Variants in ANKS1B observed in about 807,000 individuals in gnomAD.
ANKS1B encodes the protein ankyrin repeat and sterile alpha motif domain-containing protein 1B.
Under a neutral mutation model 148.3 loss-of-function variants are expected in ANKS1B, and 36 were observed. The observed-to-expected ratio is 0.24, with a 90% CI of 0.19 to 0.32. The LOEUF (loss-of-function observed/expected upper bound fraction) is 0.32, where lower values mean the gene tolerates loss of function less well. ANKS1B is among the 10% of genes least tolerant of loss of function. The probability of loss-of-function intolerance (pLI) is 1.00; values close to 1 mark genes in which losing one functional copy is unlikely to be tolerated. For synonymous variants in ANKS1B, 542 were observed against 560.8 expected, an observed-to-expected ratio of 0.97 and a Z score of 0.47; for missense variants, 1,157 against 1,542.6, an observed-to-expected ratio of 0.75 and a Z score of 4.19.
At chr12:99,324,943 G>T (rs1238896121) in intron 12 of ANKS1B, among the ~76,000 whole-genome samples, 1 of 152,062 alleles carries the variant, frequency 6.6e-6, no homozygotes, top group Non-Finnish European at 1.5e-5. Flanking sequence ...TCTTCAGAAA[G>T]TGAAATTACT....
chr12:99,545,743 T>TAC (rs1192705644), intron 9 of ANKS1B, among the ~76,000 whole-genome samples: 2 of 146,870 alleles, frequency 1.4e-5, no homozygotes, highest in South Asian at 2.1e-4. Context: ...AATATATATA[T>TAC]ACACACACAT....
At position 98,803,857 on chromosome 12, in the gene ANKS1B, T is replaced by C. The variant is rs533030295; in HGVS notation, c.3142-2732A>G. 4.6e-5 allele frequency among the ~76,000 whole-genome samples: 7 copies of C among 152,358 alleles called. No individual in the cohort carries two copies. In the East Asian group the frequency reaches 1.3e-3, roughly 29 times the overall value. On this transcript the variant is annotated intron_variant, in intron 20 of 26. Transcript: ENST00000683438. The stretch of plus-strand genomic sequence containing the variant: ...TAATTAAACTTTAATGTGAGTTCCA[T>C]ACATTTAAAGCCAGAGCCACAGCCA...
intron 1 of ANKS1B, among the ~76,000 whole-genome samples, chr12:99,850,917 G>C (rs913044143): frequency 6.6e-6 from 1 of 152,086 alleles, no homozygotes. Flanking sequence ...TCATGAAAAT[G>C]AAAGGTACAA....
intron 12 of ANKS1B, among the ~76,000 whole-genome samples, chr12:99,305,233 G>T (rs766979655): frequency 6.6e-6 from 1 of 152,026 alleles, no homozygotes; most frequent in African/African-American, 2.4e-5. Context: ...CCTCCCACCA[G>T]GCCCCATCTC....
At chr12:99,389,308 A>G (rs1446521445) in intron 12 of ANKS1B, among the ~76,000 whole-genome samples, 1 of 152,198 alleles carries the variant, frequency 6.6e-6, no homozygotes, top group Non-Finnish European at 1.5e-5. Flanking sequence ...CCCAACATAG[A>G]CAAGTGCAGA....
At chr12:99,766,319 A>G (rs1219233214) in intron 8 of ANKS1B, among the ~76,000 whole-genome samples, 1 of 152,160 alleles carries the variant, frequency 6.6e-6, no homozygotes, top group African/African-American at 2.4e-5. Flanking sequence ...CTACAAGGCA[A>G]GGCAGAAAGA....
chr12:99,939,404 C>A (rs771276624), intron 1 of ANKS1B, among the ~76,000 whole-genome samples: 3 of 151,656 alleles, frequency 2.0e-5, no homozygotes, highest in South Asian at 2.1e-4. Flanking sequence ...TTTATTTTTT[C>A]TTTTTTGTAG....
At chr12:98,870,980 A>G (rs1217619839) in intron 17 of ANKS1B, among the ~76,000 whole-genome samples, 1 of 152,098 alleles carries the variant, frequency 6.6e-6, no homozygotes, top group Non-Finnish European at 1.5e-5. Context: ...AGGTGCCACC[A>G]TTTCATTTCT....
At chr12:99,205,989 G>C (rs2082623557) in intron 14 of ANKS1B, among the ~76,000 whole-genome samples, 2 of 152,162 alleles carry the variant, frequency 1.3e-5, no homozygotes, top group Non-Finnish European at 2.9e-5. Context: ...CAGTGCCAAA[G>C]CCACAATTTG....
At position 99,806,446 on chromosome 12, in the gene ANKS1B, G is replaced by A. The variant is rs372243996; in HGVS notation, c.627C>T (p.Val209=). The A allele has an allele frequency of 8.7e-6, 14 of 1,613,802 alleles. No homozygotes were observed. Among genetic ancestry groups the A allele is most frequent in the Middle Eastern group, 1.6e-4 (1 of 6,080 alleles). ...HLAARNGHKA[V]VQVLLEAGMD... ...TTCCTGCCTCCAGCAGCACCTGCAC[G>A]ACTGCTTTGTGGCCATTGCGCGCAG... Residue 209 remains valine (V), a synonymous_variant, in exon 4 of 27, where the codon GTC becomes GTT. Transcript: ENST00000683438.
intron 12 of ANKS1B, among the ~76,000 whole-genome samples, chr12:99,289,237 T>C (rs1159958726): frequency 6.6e-6 from 1 of 152,054 alleles, no homozygotes; most frequent in East Asian, 1.9e-4. Flanking sequence ...TAAATATATA[T>C]GCTCCCAACA....
intron 17 of ANKS1B, among the ~76,000 whole-genome samples, chr12:98,876,527 C>T (rs756279496): frequency 1.2e-4 from 19 of 152,212 alleles, no homozygotes; most frequent in Non-Finnish European, 2.2e-4. Context: ...GGGCCTTACA[C>T]GTCTTTGTAT....
intron 1 of ANKS1B, among the ~76,000 whole-genome samples, chr12:99,892,246 G>A (rs560553149): frequency 1.6e-4 from 24 of 152,018 alleles, no homozygotes; most frequent in African/African-American, 4.6e-4. Flanking sequence ...CTCGTGATCT[G>A]CCCACCTCTG....
intron 14 of ANKS1B, among the ~76,000 whole-genome samples, chr12:99,214,603 G>T (rs1215620923): frequency 2.0e-5 from 3 of 152,150 alleles, no homozygotes; most frequent in African/African-American, 7.2e-5. Context: ...GTGGAACTGT[G>T]AGTCCATGAA....
chr12:98,770,456 C>T (rs61933569), intron 25 of ANKS1B, among the ~76,000 whole-genome samples: 1 of 152,172 alleles, frequency 6.6e-6, no homozygotes, highest in Admixed American at 6.5e-5. Flanking sequence ...TCCTTGTAAA[C>T]CCTGAATGAA....
intron 12 of ANKS1B, among the ~76,000 whole-genome samples, chr12:99,357,985 T>C (rs914713553): frequency 2.8e-4 from 42 of 152,118 alleles, no homozygotes; most frequent in African/African-American, 1.0e-3. Context: ...AGGTGGAACA[T>C]GTTTTTCCAA....
At chr12:99,859,235 G>A (rs774436754) in intron 1 of ANKS1B, among the ~76,000 whole-genome samples, 18 of 152,220 alleles carry the variant, frequency 1.2e-4, no homozygotes, top group Non-Finnish European at 2.1e-4. Context: ...TATTGTGGCT[G>A]TTGCAGAGTT....
chr12:99,416,885 A>G (rs538504733), intron 11 of ANKS1B, among the ~76,000 whole-genome samples: 1 of 152,224 alleles, frequency 6.6e-6, no homozygotes, highest in East Asian at 1.9e-4. Flanking sequence ...TGCTAGTCAC[A>G]CCTTATTCTT....
chr12:98,987,699 TCAAA>T (rs1278012867), intron 17 of ANKS1B, among the ~76,000 whole-genome samples: 1 of 150,680 alleles, frequency 6.6e-6, no homozygotes, highest in Non-Finnish European at 1.5e-5. Flanking sequence ...GTCACAGAAC[TCAAA>T]CAAAGACTAT....
Sources: gnomAD v4.1 joint callset for allele counts (sites outside exome capture counted in the v4.1 genomes callset) on GRCh38, gnomAD v4.1.1 for gene constraint, MANE v1.5 for transcripts, NCBI Gene and HGNC (gene_info 2026-07-23, HGNC 2026-07-21) for gene names.